Variants in SLC7A5 observed in about 807,000 individuals in gnomAD.
The protein encoded by SLC7A5 is solute carrier family 7 member 5.
In SLC7A5, 23 loss-of-function variants were observed where a neutral mutation model predicts 50.2. The observed-to-expected ratio is 0.46, with a 90% CI of 0.33 to 0.65. The LOEUF (loss-of-function observed/expected upper bound fraction) is 0.65. SLC7A5 is among the 30% of genes least tolerant of loss of function. The pLI is 0.02. For synonymous variants in SLC7A5, 393 were observed against 330.6 expected, an observed-to-expected ratio of 1.19 and a Z score of -2.05; for missense variants, 578 against 684.4, an observed-to-expected ratio of 0.84 and a Z score of 1.73.
intron 2 of SLC7A5, among the ~76,000 whole-genome samples, chr16:87,848,599 A>C (rs2143771665): frequency 6.6e-6 from 1 of 152,194 alleles, no homozygotes; most frequent in South Asian, 2.1e-4. Context: ...GACGCGGAGG[A>C]GGCAAGGGCT....
At chr16:87,846,180 C>G (rs2055152059) in intron 2 of SLC7A5, among the ~76,000 whole-genome samples, 2 of 152,220 alleles carry the variant, frequency 1.3e-5, no homozygotes, top group African/African-American at 4.8e-5. Flanking sequence ...AGCCTGGCAC[C>G]AATCTGGGAG....
rs1446998828 is a variant in SLC7A5 at position 87,860,338 on chromosome 16, AAATACACACACAC to A, written c.539-8502_539-8490del. ...ACAAAAGCATCTCAAAAAAAAAAAA[AAATACACACACAC>A]ACACACACACACACACACACACACA... On this transcript the variant is annotated intron_variant, in intron 1 of 9. Coordinates refer to ENST00000261622, the MANE Select transcript of SLC7A5 (RefSeq NM_003486.7). The surrounding 1 kb of genome is among the most constrained non-coding windows in gnomAD (Gnocchi z 4.8). Among the ~76,000 whole-genome samples, 1 of 89,972 alleles carries A rather than the reference AAATACACACACAC, an allele frequency of 1.1e-5. No homozygotes were observed. The highest frequency in any genetic ancestry group is 2.1e-5 in the Non-Finnish European group (1 of 48,314). The allele number at this position is 89,972 out of a possible 152,430, so 59.0% of individuals were successfully genotyped here.
intron 2 of SLC7A5, among the ~76,000 whole-genome samples, chr16:87,849,815 C>T (rs2055197770): frequency 6.6e-6 from 1 of 152,184 alleles, no homozygotes; most frequent in African/African-American, 2.4e-5. Context: ...GTACCCCGGG[C>T]GACTCTGAGA....
chr16:87,865,922 G>A (rs2055455053), intron 1 of SLC7A5, among the ~76,000 whole-genome samples: 1 of 152,240 alleles, frequency 6.6e-6, no homozygotes, highest in Non-Finnish European at 1.5e-5. Context: ...TCCGGAGGTT[G>A]AGGCAGGAGA....
chr16:87,868,732 G>A (rs570937432), intron 1 of SLC7A5, among the ~76,000 whole-genome samples, 153 bp downstream of exon 1: 3 of 152,362 alleles, frequency 2.0e-5, no homozygotes, highest in Admixed American at 6.5e-5. Context: ...AAACGCACGT[G>A]GTTTCTGGGA....
chr16:87,860,337 A>ATAT lies in SLC7A5; in HGVS notation c.539-8489_539-8488insATA, dbSNP rs1450587817. On this transcript the variant is annotated intron_variant, in intron 1 of 9. Transcript: ENST00000261622. This position sits in a 1 kb window ranked among gnomAD's most constrained non-coding sequence, Gnocchi z 4.8. ...AACAAAAGCATCTCAAAAAAAAAAA[A>ATAT]AAATACACACACACACACACACACA... Among the ~76,000 whole-genome samples the ATAT allele has an allele frequency of 6.7e-5, 7 of 104,844 alleles. 1 individual carries two copies. The highest frequency in any genetic ancestry group is 3.0e-4 in the African/African-American group (7 of 23,180). The allele number at this position is 104,844 out of a possible 152,430, so 68.8% of individuals were successfully genotyped here. A position where few individuals can be genotyped will look rare whatever the true frequency, so the allele number is the denominator to read the frequency against.
Position 87,834,489 on chromosome 16 carries a change from T to G in SLC7A5, c.1393A>C (p.Ile465Leu), listed in dbSNP as rs2054971799. ...AAGTAGACGGGCAGCCCGCTGAGGATGATGGTGAAGCCGATGCCACACTCC... is the reference window on the plus strand; with the variant it reads ...AAGTAGACGGGCAGCCCGCTGAGGAGGATGGTGAAGCCGATGCCACACTCC... ...PVECGIGFTIILSGLPVYFFG... is the reference protein window; with the variant it reads ...PVECGIGFTILLSGLPVYFFG... Residue 465 changes from isoleucine (I) to leucine (L), a missense_variant, in exon 9 of 10, where the codon ATC becomes CTC. Coordinates refer to ENST00000261622, the MANE Select transcript of SLC7A5 (RefSeq NM_003486.7). The G allele has an allele frequency of 3.8e-6, 6 of 1,582,644 alleles. No individual in the cohort carries two copies. The highest frequency in any genetic ancestry group is 5.1e-6 in the Non-Finnish European group (6 of 1,165,450).
Position 87,836,488 on chromosome 16 carries a change from C to G in SLC7A5, c.1290+10G>C, listed in dbSNP as rs1297000214. ...AGGGTGCCTGGGTGAGCGGGAGGCC[C>G]CGGGCTCACCTTGATGGGCCGCTCA... On this transcript the variant is annotated intron_variant, in intron 8 of 9. Coordinates refer to ENST00000261622, the MANE Select transcript of SLC7A5 (RefSeq NM_003486.7). 1 of 1,608,688 alleles carries G rather than the reference C, an allele frequency of 6.2e-7. No individual in the cohort carries two copies. Among genetic ancestry groups the G allele is most frequent in the South Asian group, 1.1e-5 (1 of 91,080 alleles).
rs1437409575 is a variant in SLC7A5, at chr16:87,833,102, C to T, written c.1469-77G>A. On this transcript the variant is annotated intron_variant, in intron 9 of 9. Transcript: ENST00000261622. The surrounding 1 kb of genome is among the most constrained non-coding windows in gnomAD (Gnocchi z 6.0). ...TGGGACACGGGGGCGTGAGCTGGGG[C>T]TCCCCCAGCCCTGCTGTCACCAAAC... 7 of 1,225,236 alleles carry T rather than the reference C, an allele frequency of 5.7e-6. No individual in the cohort carries two copies. The highest frequency in any genetic ancestry group is 8.5e-6 in the Non-Finnish European group (7 of 827,260). 75.9% of individuals were successfully genotyped at this position (1,225,236 alleles called of 1,614,324 possible).
rs754179345 is a variant in SLC7A5 at position 87,839,843 on chromosome 16, G to A, written c.816-18C>T. 3.0e-5 allele frequency: 48 copies of A among 1,613,284 alleles called. 1 individual carries two copies. The highest frequency in any genetic ancestry group is 2.8e-5 in the Non-Finnish European group (33 of 1,179,880). Reference sequence around the variant, plus strand: ...GCAGGTTTCTGGAAAGAACAGGGACGACATGTCACCCAACGCAGCCCGGGC... The same window carrying A: ...GCAGGTTTCTGGAAAGAACAGGGACAACATGTCACCCAACGCAGCCCGGGC... On this transcript the variant is annotated intron_variant, in intron 4 of 9. Coordinates refer to ENST00000261622, the MANE Select transcript of SLC7A5 (RefSeq NM_003486.7).
rs892787169 is a variant in SLC7A5 at position 87,830,831 on chromosome 16, G to C, written c.*2139C>G. ...CCAACAGGCAAGTGCGTGCCGTCGA[G>C]AGGCCGCCGGCTCCCTGTATCCTTG... On this transcript the variant is annotated 3_prime_UTR_variant, in exon 10 of 10. Transcript: ENST00000261622. 1 of 152,362 alleles carries C rather than the reference G, an allele frequency of 6.6e-6. No homozygotes were observed. The allele number at this position is 152,362 out of a possible 1,614,324, so 9.4% of individuals were successfully genotyped here. A position where few individuals can be genotyped will look rare whatever the true frequency, so the allele number is the denominator to read the frequency against.
rs116176256 is a variant in SLC7A5, at chr16:87,832,886, C to T, written c.*84G>A. ...GGATGGGCAGCTGAGCTGTGGGTTG[C>T]GGGGAACCGGAGTGGGTTCGAGGAG... On this transcript the variant is annotated 3_prime_UTR_variant, in exon 10 of 10. Transcript: ENST00000261622. The surrounding 1 kb of genome is among the most constrained non-coding windows in gnomAD (Gnocchi z 4.6). The T allele has an allele frequency of 2.0e-5, 23 of 1,122,738 alleles. No homozygotes were observed. Among genetic ancestry groups the T allele is most frequent in the East Asian group, 1.4e-4 (6 of 42,162 alleles). 69.5% of individuals were successfully genotyped at this position (1,122,738 alleles called of 1,614,324 possible).
chr16:87,844,617 C>T (rs1184803985), intron 2 of SLC7A5, among the ~76,000 whole-genome samples: 2 of 152,256 alleles, frequency 1.3e-5, no homozygotes, highest in Non-Finnish European at 2.9e-5. Context: ...TCCCCATGAA[C>T]GCAGTGTCCC....
intron 1 of SLC7A5, among the ~76,000 whole-genome samples, chr16:87,864,883 G>C (rs1042202695): frequency 6.6e-5 from 10 of 152,190 alleles, no homozygotes; most frequent in African/African-American, 2.4e-4. Context: ...AAGCTAGCTA[G>C]GTAAACTACG....
chr16:87,860,341 TAC>T lies in SLC7A5; in HGVS notation c.539-8494_539-8493del, dbSNP rs370835904. On this transcript the variant is annotated intron_variant, in intron 1 of 9. Coordinates refer to ENST00000261622, the MANE Select transcript of SLC7A5 (RefSeq NM_003486.7). This position sits in a 1 kb window ranked among gnomAD's most constrained non-coding sequence, Gnocchi z 4.8. ...AAAGCATCTCAAAAAAAAAAAAAAA[TAC>T]ACACACACACACACACACACACACA... 0.042 allele frequency among the ~76,000 whole-genome samples: 3,632 copies of T among 85,770 alleles called. 108 individuals are homozygous for T. Among genetic ancestry groups the T allele is most frequent in the Non-Finnish European group, 0.046 (2,163 of 47,280 alleles). 56.3% of individuals were successfully genotyped at this position (85,770 alleles called of 152,430 possible).
At chr16:87,840,958 C>T (rs1241240708) in intron 3 of SLC7A5, 92 bp downstream of exon 3, 1 of 870,100 alleles carries the variant, frequency 1.1e-6, no homozygotes, top group Non-Finnish European at 2.0e-6. Context: ...CTCCCTTTAA[C>T]TGCCCCTTGA....
intron 3 of SLC7A5, 85 bp downstream of exon 3, chr16:87,840,964 CT>C: frequency 1.1e-6 from 1 of 943,936 alleles, no homozygotes; most frequent in South Asian, 1.3e-5. Context: ...TTAACTGCCC[CT>C]TGATGGCTGG....
intron 1 of SLC7A5, among the ~76,000 whole-genome samples, chr16:87,864,897 CCTTT>C (rs2055441936): frequency 6.6e-6 from 1 of 152,202 alleles, no homozygotes; most frequent in African/African-American, 2.4e-5. Flanking sequence ...AACTACGCTG[CCTTT>C]CTTTTATCAC....
In SLC7A5 at chr16:87,860,339, A is replaced by AAAT. The variant is rs1555516232; in HGVS notation, c.539-8491_539-8490insATT. On this transcript the variant is annotated intron_variant, in intron 1 of 9. Coordinates refer to ENST00000261622, the MANE Select transcript of SLC7A5 (RefSeq NM_003486.7). This position sits in a 1 kb window ranked among gnomAD's most constrained non-coding sequence, Gnocchi z 4.8. ...CAAAAGCATCTCAAAAAAAAAAAAA[A>AAAT]ATACACACACACACACACACACACA... is the stretch of plus-strand genomic sequence containing the variant. Among the ~76,000 whole-genome samples, 2 of 108,214 alleles carry AAAT rather than the reference A, an allele frequency of 1.8e-5. No individual in the cohort carries two copies. The highest frequency in any genetic ancestry group is 7.8e-5 in the African/African-American group (2 of 25,666). 71.0% of individuals were successfully genotyped at this position (108,214 alleles called of 152,430 possible).
Sources: allele counts gnomAD v4.1 joint callset (sites outside exome capture counted in the v4.1 genomes callset), GRCh38; gene constraint gnomAD v4.1.1; non-coding constraint Gnocchi (gnomAD v3.1); transcripts MANE v1.5; gene names NCBI Gene and HGNC (gene_info 2026-07-23, HGNC 2026-07-21).